The following GCSAML variants were observed in gnomAD, a reference collection of about 807,000 sequenced individuals.
GCSAML encodes the protein germinal center-associated signaling and motility-like protein.
Under a neutral mutation model 13.0 loss-of-function variants are expected in GCSAML, and 9 were observed. That is an observed-to-expected ratio of 0.69 (90% CI 0.42 to 1.21). The LOEUF (loss-of-function observed/expected upper bound fraction) is 1.21. Among genes scored for constraint, GCSAML ranks in the 50% most tolerant of loss-of-function variants. The pLI is 0.00. For missense variants in GCSAML, 143 were observed against 153.4 expected (o/e 0.93, Z 0.36); for synonymous variants, 37 against 52.9 (o/e 0.70, Z 1.31).
rs150400025 is a variant in GCSAML at position 247,574,295 on chromosome 1, G to A, written c.321G>A (p.Glu107=). ...RKVRQFRERS[E]TEYALLRTSV... is the part of the protein sequence containing the mutation. ...TGAGACAGTTTAGAGAAAGGTCAGA[G>A]ACAGAATATGCCCTTCTTAGGACTT... The change falls in exon 5 of 5, where the codon GAG becomes GAA. Residue 107 remains glutamate, a synonymous_variant. Transcript: ENST00000366488. 1.1e-5 allele frequency: 18 copies of A among 1,613,910 alleles called. No homozygotes were observed. The African/African-American group carries it at 1.9e-4, about 17-fold the overall frequency.
chr1:247,531,287 A>C, intron 2 of GCSAML: 3 of 481,166 alleles, frequency 6.2e-6, no homozygotes. Context: ...CAACAACGCA[A>C]GGAGTTTACA....
At position 247,559,330 on chromosome 1, in the gene GCSAML, G is replaced by A. The variant is rs561348388; in HGVS notation, c.89+2864G>A. Reference sequence around the variant, plus strand: ...CTGGTTTATTTGAGTTACCTTTCATGTTTTCTTTTTCTTTCTTTCATATGG... The same window carrying A: ...CTGGTTTATTTGAGTTACCTTTCATATTTTCTTTTTCTTTCTTTCATATGG... On this transcript the variant is annotated intron_variant, in intron 2 of 4. Transcript: ENST00000366488. Among the ~76,000 whole-genome samples, 117 of 152,228 alleles carry A rather than the reference G, an allele frequency of 7.7e-4. 1 individual carries two copies. Among genetic ancestry groups the A allele is most frequent in the African/African-American group, 2.7e-3 (113 of 41,542 alleles).
At chr1:247,520,697 A>T (rs1240798859) in intron 1 of GCSAML, among the ~76,000 whole-genome samples, 1 of 152,126 alleles carries the variant, frequency 6.6e-6, no homozygotes, top group Non-Finnish European at 1.5e-5. Context: ...GTTAATGCGT[A>T]GTTTTCAAAT....
chr1:247,534,591 T>C (rs759546840), intron 2 of GCSAML, among the ~76,000 whole-genome samples: 3 of 152,190 alleles, frequency 2.0e-5, no homozygotes, highest in East Asian at 3.8e-4. Flanking sequence ...CTGAAGACCT[T>C]TGGGGCCCTT....
At position 247,532,529 on chromosome 1, in the gene GCSAML, GC is replaced by G. The variant is rs761876182; in HGVS notation, c.-148+5476del. 35 of 1,606,702 alleles carry G rather than the reference GC, an allele frequency of 2.2e-5. No individual in the cohort carries two copies. The East Asian group carries it at 7.6e-4, about 35-fold the overall frequency. ...TCCATCATTGTATGCTGGGGGTGGG[GC>G]AAAAGGCCACCTGTGGGAAGAGCAC... On this transcript the variant is annotated intron_variant, in intron 2 of 5. Coordinates refer to the GCSAML transcript ENST00000366489.
intron 4 of GCSAML, 85 bp downstream of exon 4, chr1:247,566,044 T>C (rs1668342166): frequency 1.2e-6 from 1 of 839,206 alleles, no homozygotes; most frequent in Admixed American, 3.1e-5. Context: ...ACAGATGATT[T>C]ATTCAAGAGT....
At chr1:247,540,952 C>T (rs1667393246) in intron 2 of GCSAML, among the ~76,000 whole-genome samples, 1 of 152,120 alleles carries the variant, frequency 6.6e-6, no homozygotes, top group South Asian at 2.1e-4. Context: ...TATATGTTCT[C>T]TATTTCTGTT....
upstream of GCSAML, among the ~76,000 whole-genome samples, chr1:247,547,417 G>A (rs569776294): frequency 4.6e-5 from 7 of 152,342 alleles, no homozygotes; most frequent in African/African-American, 1.7e-4. Flanking sequence ...ATGGGAGTTA[G>A]AGGTGCTGAA....
At chr1:247,548,362 C>G (rs1348490484), upstream of GCSAML, among the ~76,000 whole-genome samples, 1 of 152,162 alleles carries the variant, frequency 6.6e-6, no homozygotes, top group African/African-American at 2.4e-5. The surrounding 1 kb of genome is among the most constrained non-coding windows in gnomAD (Gnocchi z 5.3). Flanking sequence ...AAGTGGGGGA[C>G]CAGATGCTGG....
intron 1 of GCSAML, 107 bp from the exon 2 acceptor site, chr1:247,556,300 A>T: frequency 1.3e-6 from 1 of 768,556 alleles, no homozygotes; most frequent in African/African-American, 1.7e-5. Flanking sequence ...AGTTTGTCAA[A>T]AAGAAAAGTC....
intron 1 of GCSAML, among the ~76,000 whole-genome samples, chr1:247,508,781 G>A (rs1356971700): frequency 6.6e-6 from 1 of 152,120 alleles, no homozygotes; most frequent in Non-Finnish European, 1.5e-5. Flanking sequence ...TTTCCCCATT[G>A]CTTGTTTTTG....
chr1:247,561,980 G>T (rs1342476954), intron 2 of GCSAML, among the ~76,000 whole-genome samples: 1 of 152,132 alleles, frequency 6.6e-6, no homozygotes, highest in East Asian at 1.9e-4. Context: ...GATCCCTCAG[G>T]CTTAAGACCT....
chr1:247,535,448 G>A (rs1172431542), intron 2 of GCSAML, among the ~76,000 whole-genome samples: 1 of 152,246 alleles, frequency 6.6e-6, no homozygotes, highest in East Asian at 1.9e-4. Context: ...AGTCATGACA[G>A]TCAAAGTGGG....
In GCSAML at chr1:247,549,145, A is replaced by G. The variant is rs1667680942; in HGVS notation, c.-47A>G. On this transcript the variant is annotated 5_prime_UTR_variant, in exon 1 of 5. Coordinates refer to ENST00000366488, the MANE Select transcript of GCSAML (RefSeq NM_145278.5). ...TTGGTGCTTTGGTCAGAACTTCCCC[A>G]AGTGGAGTGAAACTCAGGAGCTGAG... 6.2e-7 allele frequency: 1 copy of G among 1,614,024 alleles called. No homozygotes were observed. Among genetic ancestry groups the G allele is most frequent in the East Asian group, 2.2e-5 (1 of 44,872 alleles).
At chr1:247,532,687 C>A in intron 2 of GCSAML, 1 of 641,446 alleles carries the variant, frequency 1.6e-6, no homozygotes, top group Non-Finnish European at 2.6e-6. Flanking sequence ...ACTTCAAACT[C>A]TTGGGATCAA....
intron 2 of GCSAML, among the ~76,000 whole-genome samples, chr1:247,533,012 G>A (rs1667065940): frequency 6.6e-6 from 1 of 152,128 alleles, no homozygotes; most frequent in African/African-American, 2.4e-5. Flanking sequence ...CAGGTAGAGG[G>A]TGGTCATTCA....
intron 2 of GCSAML, among the ~76,000 whole-genome samples, chr1:247,542,203 G>A (rs896325323): frequency 4.6e-5 from 7 of 152,144 alleles, no homozygotes; most frequent in Non-Finnish European, 1.0e-4. Context: ...TTGAGCCCAG[G>A]AGTTCTAAGC....
chr1:247,564,995 A>G (rs1339315100), intron 3 of GCSAML, among the ~76,000 whole-genome samples: 1 of 152,234 alleles, frequency 6.6e-6, no homozygotes, highest in African/African-American at 2.4e-5. Context: ...AGCAATTGTA[A>G]GAAAAGCAGA....
chr1:247,522,348 C>G (rs1444441653), intron 1 of GCSAML, among the ~76,000 whole-genome samples: 1 of 151,334 alleles, frequency 6.6e-6, no homozygotes, highest in Non-Finnish European at 1.5e-5. Flanking sequence ...GGGGACGCCT[C>G]TGCCCGGCCG....
Sources: allele counts gnomAD v4.1 joint callset (sites outside exome capture counted in the v4.1 genomes callset), GRCh38; gene constraint gnomAD v4.1.1; non-coding constraint Gnocchi (gnomAD v3.1); transcripts MANE v1.5; gene names NCBI Gene and HGNC (gene_info 2026-07-23, HGNC 2026-07-21).